ARHGAP23: variants seen among roughly 807,000 people sequenced by gnomAD.
The protein encoded by ARHGAP23 is Rho GTPase activating protein 23.
In ARHGAP23, 34 loss-of-function variants were observed where a neutral mutation model predicts 136.3. The ratio of observed to expected loss-of-function variants is 0.25; its 90% CI spans 0.19 to 0.33. ARHGAP23 has a LOEUF of 0.33. ARHGAP23 is among the 10% of genes least tolerant of loss of function. The pLI, the probability that ARHGAP23 is intolerant of heterozygous loss-of-function variation, is 1.00. For missense variants in ARHGAP23, 1,808 were observed against 2,139.0 expected (o/e 0.85, Z 3.05); for synonymous variants, 832 against 920.5 (o/e 0.90, Z 1.74).
Position 38,510,380 on chromosome 17 carries a change from C to CACA in ARHGAP23, c.3884_3885insACA (p.Ala1295_Gly1296insGln). 8.0e-7 allele frequency: 1 copy of CACA among 1,244,492 alleles called. No individual in the cohort carries two copies. Among genetic ancestry groups the CACA allele is most frequent in the South Asian group, 3.6e-5 (1 of 27,878 alleles). 77.1% of individuals were successfully genotyped at this position (1,244,492 alleles called of 1,614,324 possible). ...ACGGACACTGAGGGCGCGGCGGGCG[C>CACA]GGGGCCTGGGGGGCGCCTGACACGC... On this transcript the variant is annotated inframe_insertion, in exon 24 of 24. Transcript: ENST00000622683. The surrounding 1 kb of genome is among the most constrained non-coding windows in gnomAD (Gnocchi z 4.6).
At chr17:38,433,082 A>G (rs2038719846) in intron 1 of ARHGAP23, among the ~76,000 whole-genome samples, 1 of 152,152 alleles carries the variant, frequency 6.6e-6, no homozygotes, top group Non-Finnish European at 1.5e-5. Flanking sequence ...CCTCCTGAGT[A>G]GTTGAGACTA....
At chr17:38,458,391 A>G (rs1281549871) in intron 2 of ARHGAP23, 128 bp downstream of exon 2, 2 of 1,274,124 alleles carry the variant, frequency 1.6e-6, no homozygotes, top group African/African-American at 1.5e-5. Context: ...GTCCGGCCTG[A>G]CTCCCTTCTG....
intron 16 of ARHGAP23, 115 bp from the exon 17 acceptor site, chr17:38,485,947 T>C: frequency 1.1e-6 from 1 of 935,306 alleles, no homozygotes; most frequent in East Asian, 2.6e-5. Flanking sequence ...GAGCTTGGTC[T>C]AAGTAGGTCC....
intron 1 of ARHGAP23, among the ~76,000 whole-genome samples, chr17:38,437,266 C>A (rs1208417245): frequency 6.7e-6 from 1 of 150,252 alleles, no homozygotes; most frequent in Middle Eastern, 3.4e-3. Flanking sequence ...AGTGCAGTGG[C>A]ACAATCAGGC....
chr17:38,468,038 T>C (rs1292556749), intron 7 of ARHGAP23, among the ~76,000 whole-genome samples: 1 of 152,192 alleles, frequency 6.6e-6, no homozygotes, highest in Non-Finnish European at 1.5e-5. Flanking sequence ...GGAGACGGGC[T>C]CAGAGAAGGG....
intron 18 of ARHGAP23, 115 bp downstream of exon 18, chr17:38,490,290 C>T (rs137950277): frequency 0.012 from 14,917 of 1,209,106 alleles, 124 homozygotes; most frequent in Non-Finnish European, 0.016. Flanking sequence ...GGAGAAGCCC[C>T]GCTCCACTCA....
Position 38,471,859 on chromosome 17 carries a change from G to T in ARHGAP23, c.1975-4G>T, listed in dbSNP as rs1250483884. On this transcript the variant is annotated splice_region_variant and splice_polypyrimidine_tract_variant and intron_variant, in intron 10 of 23. Transcript: ENST00000622683. ...CTAAATTGTCCTCTGTTGTCTCCCT[G>T]CAGTCCTTGGATAGCTGGGGCACCT... The T allele has an allele frequency of 6.5e-7, 1 of 1,535,268 alleles. No homozygotes were observed. Among genetic ancestry groups the T allele is most frequent in the African/African-American group, 1.4e-5 (1 of 72,336 alleles).
At position 38,471,736 on chromosome 17, in the gene ARHGAP23, C is replaced by G; in HGVS notation, c.1975-127C>G. 2.7e-6 allele frequency: 3 copies of G among 1,105,874 alleles called. No individual in the cohort carries two copies. The South Asian group carries it at 4.9e-5, about 18-fold the overall frequency. 68.5% of individuals were successfully genotyped at this position (1,105,874 alleles called of 1,614,324 possible). A position where few individuals can be genotyped will look rare whatever the true frequency, so the allele number is the denominator to read the frequency against. On this transcript the variant is annotated intron_variant, in intron 10 of 23. Transcript: ENST00000622683. ...AGAGGACAAGCAATGCCCATGAGGT[C>G]GCACAGCACATCGGGGTGTAGCACA...
In ARHGAP23 at chr17:38,485,964, G is replaced by A. The variant is rs2040150924; in HGVS notation, c.2908-98G>A. 29 of 1,130,672 alleles carry A rather than the reference G, an allele frequency of 2.6e-5. 1 individual carries two copies. In the South Asian group the frequency reaches 4.0e-4, roughly 15 times the overall value. The allele number at this position is 1,130,672 out of a possible 1,614,324, so 70.0% of individuals were successfully genotyped here. On this transcript the variant is annotated intron_variant, in intron 16 of 23. Coordinates refer to ENST00000622683, the MANE Select transcript of ARHGAP23 (RefSeq NM_001199417.2). Reference sequence around the variant, plus strand: ...GCTTGGTCTAAGTAGGTCCCAGGGAGGGCCTGGTGGGCTTGATTGGGCTCT... The same window carrying A: ...GCTTGGTCTAAGTAGGTCCCAGGGAAGGCCTGGTGGGCTTGATTGGGCTCT...
upstream of ARHGAP23, among the ~76,000 whole-genome samples, chr17:38,424,951 C>T (rs1254976962): frequency 6.6e-6 from 1 of 152,232 alleles, no homozygotes; most frequent in East Asian, 1.9e-4. Flanking sequence ...CCTTGCCCTG[C>T]ACTCTTCCAT....
chr17:38,467,129 G>A lies in ARHGAP23; in HGVS notation c.1446G>A (p.Ala482=), dbSNP rs993057605. ...GCACCCGGGCCCTGGAGCCTCCTGC[G>A]GAGGATCGCGGCGATGAGGTGGTCC... ...EPSTRALEPP[A]EDRGDEVVLR... The change falls in exon 7 of 24, where the codon GCG becomes GCA. Residue 482 remains alanine, a synonymous_variant. Transcript: ENST00000622683. 19 of 1,549,790 alleles carry A rather than the reference G, an allele frequency of 1.2e-5. No homozygotes were observed. The highest frequency in any genetic ancestry group is 2.4e-5 in the East Asian group (1 of 40,892).
At chr17:38,487,723 A>G (rs1435877346) in intron 17 of ARHGAP23, among the ~76,000 whole-genome samples, 2 of 151,730 alleles carry the variant, frequency 1.3e-5, no homozygotes, top group Non-Finnish European at 2.9e-5. Context: ...AATTAGCTGG[A>G]TGTGGTGGCG....
rs2040775837 is a variant in ARHGAP23 at position 38,512,103 on chromosome 17, T to C, written c.*1131T>C. 6.6e-6 allele frequency: 1 copy of C among 152,220 alleles called. No individual in the cohort carries two copies. Among genetic ancestry groups the C allele is most frequent in the Admixed American group, 6.5e-5 (1 of 15,286 alleles). 9.4% of individuals were successfully genotyped at this position (152,220 alleles called of 1,614,324 possible). A position where few individuals can be genotyped will look rare whatever the true frequency, so the allele number is the denominator to read the frequency against. ...CCTCTTGTTTTATGCAAAGATTTAC[T>C]GTAAAGTAGATTTCTTTCCCTCCCT... On this transcript the variant is annotated 3_prime_UTR_variant, in exon 24 of 24. Transcript: ENST00000622683.
chr17:38,481,796 C>T (rs1369919397), intron 14 of ARHGAP23, among the ~76,000 whole-genome samples: 1 of 152,166 alleles, frequency 6.6e-6, no homozygotes, highest in African/African-American at 2.4e-5. Flanking sequence ...GTAGTTTTGG[C>T]CCACGAGCCA....
chr17:38,420,783 G>T (rs1040776032), intron 1 of ARHGAP23, among the ~76,000 whole-genome samples: 2 of 150,392 alleles, frequency 1.3e-5, no homozygotes, highest in Non-Finnish European at 3.0e-5. Flanking sequence ...GCTCCCCAGA[G>T]CAGCAGGCCT....
At chr17:38,449,557 C>T (rs1404978844) in intron 1 of ARHGAP23, among the ~76,000 whole-genome samples, 1 of 152,238 alleles carries the variant, frequency 6.6e-6, no homozygotes, top group African/African-American at 2.4e-5. Context: ...GGCCGCCGCC[C>T]TTGACTGAGG....
At chr17:38,482,795 G>A (rs1034175150) in intron 16 of ARHGAP23, 117 bp downstream of exon 16, 29 of 1,242,916 alleles carry the variant, frequency 2.3e-5, no homozygotes, top group Non-Finnish European at 2.5e-5. Context: ...GACATGCCCG[G>A]CATTGGTCCA....
Position 38,479,502 on chromosome 17 carries a change from G to C in ARHGAP23, c.2498+5G>C. 6.5e-7 allele frequency: 1 copy of C among 1,548,274 alleles called. No individual in the cohort carries two copies. Among genetic ancestry groups the C allele is most frequent in the Non-Finnish European group, 8.7e-7 (1 of 1,145,644 alleles). On this transcript the variant is annotated splice_donor_5th_base_variant and intron_variant, in intron 13 of 23. Coordinates refer to ENST00000622683, the MANE Select transcript of ARHGAP23 (RefSeq NM_001199417.2). ...TAACGATTATCGCAAAGTGAGGTGAGGCCCAGCCCTCGTGGAGCAGTCTCC... is the reference window on the plus strand; with the variant it reads ...TAACGATTATCGCAAAGTGAGGTGACGCCCAGCCCTCGTGGAGCAGTCTCC...
At chr17:38,469,802 C>T (rs1286932880) in intron 9 of ARHGAP23, 45 bp from the exon 10 acceptor site, 1 of 1,549,116 alleles carries the variant, frequency 6.5e-7, no homozygotes, top group East Asian at 2.4e-5. Context: ...AGTGAGGTCC[C>T]AGCTTTGCTG....
Sources: allele counts gnomAD v4.1 joint callset (sites outside exome capture counted in the v4.1 genomes callset), GRCh38; gene constraint gnomAD v4.1.1; non-coding constraint Gnocchi (gnomAD v3.1); transcripts MANE v1.5; gene names NCBI Gene and HGNC (gene_info 2026-07-23, HGNC 2026-07-21).